ENTPD1: variants seen among roughly 807,000 people sequenced by gnomAD.
ENTPD1 encodes ectonucleoside triphosphate diphosphohydrolase 1.
In ENTPD1, 33 loss-of-function variants were observed where a neutral mutation model predicts 57.0. The observed-to-expected ratio is 0.58, with a 90% CI of 0.44 to 0.77. ENTPD1 has a LOEUF of 0.77. ENTPD1 is among the 30% of genes least tolerant of loss of function. The probability of loss-of-function intolerance (pLI) is 0.00; values close to 1 mark genes in which losing one functional copy is unlikely to be tolerated. For missense variants in ENTPD1, 501 were observed against 603.4 expected, an observed-to-expected ratio of 0.83 and a Z score of 1.78; for synonymous variants, 202 against 218.8, an observed-to-expected ratio of 0.92 and a Z score of 0.68.
Position 95,874,841 on chromosome 10 carries a change from C to T in ENTPD1, c.*8458C>T, listed in dbSNP as rs2098484186. Reference sequence around the variant, plus strand: ...CAGGCTCAACATCACATGGAAGCTGCCAATGCTTGGGGCCTCTACCCTCTG... The same window carrying T: ...CAGGCTCAACATCACATGGAAGCTGTCAATGCTTGGGGCCTCTACCCTCTG... On this transcript the variant is annotated 3_prime_UTR_variant, in exon 10 of 10. Coordinates refer to ENST00000371205, the MANE Select transcript of ENTPD1 (RefSeq NM_001776.6). Among the ~76,000 whole-genome samples, 1 of 152,256 alleles carries T rather than the reference C, an allele frequency of 6.6e-6. No homozygotes were observed. The highest frequency in any genetic ancestry group is 1.5e-5 in the Non-Finnish European group (1 of 68,048).
chr10:95,741,956 AT>A (rs2098000788), intron 1 of ENTPD1, among the ~76,000 whole-genome samples: 1 of 152,138 alleles, frequency 6.6e-6, no homozygotes, highest in Non-Finnish European at 1.5e-5. Flanking sequence ...TACCTCAAAG[AT>A]TTGTCACCCC....
intron 6 of ENTPD1, chr10:95,846,007 GAA>G: frequency 1.3e-4 from 21 of 155,600 alleles, no homozygotes; most frequent in South Asian, 6.4e-4. Flanking sequence ...AGAGGAGAAG[GAA>G]AAAAAAAAAA....
At chr10:95,784,322 C>T (rs1203549513) in intron 1 of ENTPD1, among the ~76,000 whole-genome samples, 1 of 152,094 alleles carries the variant, frequency 6.6e-6, no homozygotes, top group Non-Finnish European at 1.5e-5. Context: ...AGTATATAGA[C>T]ATTATGGGGC....
At chr10:95,785,954 G>A (rs1285675949) in intron 1 of ENTPD1, among the ~76,000 whole-genome samples, 2 of 152,206 alleles carry the variant, frequency 1.3e-5, no homozygotes, top group African/African-American at 4.8e-5. Flanking sequence ...GATGGCAAGC[G>A]TTTTTCTTGG....
chr10:95,847,723 A>G lies in ENTPD1; in HGVS notation c.1074+17A>G. ...GATTTTGGGGTAAGTTTGTGAAATG[A>G]TGAGGTATAGGATGTCTTGTTTACA... On this transcript the variant is annotated intron_variant, in intron 7 of 9. Transcript: ENST00000371205. The G allele has an allele frequency of 1.9e-6, 3 of 1,614,106 alleles. No individual in the cohort carries two copies. The highest frequency in any genetic ancestry group is 2.5e-6 in the Non-Finnish European group (3 of 1,179,998).
Position 95,858,050 on chromosome 10 carries a change from C to T in ENTPD1, c.1075-2419C>T, listed in dbSNP as rs986082042. On this transcript the variant is annotated intron_variant, in intron 7 of 9. Coordinates refer to ENST00000371205, the MANE Select transcript of ENTPD1 (RefSeq NM_001776.6). ...GCAGGCGCCTGTAATCCCAGCTACTCGGGAGGCTGAGGCAGGAGAATGGCG... is the reference window on the plus strand; with the variant it reads ...GCAGGCGCCTGTAATCCCAGCTACTTGGGAGGCTGAGGCAGGAGAATGGCG... Among the ~76,000 whole-genome samples, 12 of 151,574 alleles carry T rather than the reference C, an allele frequency of 7.9e-5. No homozygotes were observed. The South Asian group carries it at 2.5e-3, about 32-fold the overall frequency.
intron 1 of ENTPD1, among the ~76,000 whole-genome samples, chr10:95,763,928 T>G (rs1288667547): frequency 6.6e-6 from 1 of 152,220 alleles, no homozygotes; most frequent in East Asian, 1.9e-4. Flanking sequence ...ACTCAATTGT[T>G]AAAGTCTCTC....
chr10:95,710,445 T>C (rs2097964616), upstream of ENTPD1, among the ~76,000 whole-genome samples: 2 of 152,138 alleles, frequency 1.3e-5, no homozygotes, highest in African/African-American at 4.8e-5. Flanking sequence ...AAAATAACTA[T>C]GTAATTTATC....
Position 95,873,418 on chromosome 10 carries a change from C to T in ENTPD1, c.*7035C>T, listed in dbSNP as rs1275744375. The T allele has an allele frequency of 1.0e-6, 1 of 985,598 alleles. No individual in the cohort carries two copies. Among genetic ancestry groups the T allele is most frequent in the Non-Finnish European group, 1.2e-6 (1 of 830,046 alleles). The allele number at this position is 985,598 out of a possible 1,614,324, so 61.1% of individuals were successfully genotyped here. ...CCTCTGCCTTTGGAGACCAGCACCT[C>T]ATACTCAGTGAAGGCCTGGAGTGCT... On this transcript the variant is annotated 3_prime_UTR_variant, in exon 10 of 10. Coordinates refer to ENST00000371205, the MANE Select transcript of ENTPD1 (RefSeq NM_001776.6).
At chr10:95,756,857 G>C (rs1009610750) in intron 1 of ENTPD1, 1 of 152,740 alleles carries the variant, frequency 6.5e-6, no homozygotes, top group Non-Finnish European at 1.5e-5. Context: ...GACGGGGACG[G>C]GTAGAGGGAG....
intron 1 of ENTPD1, among the ~76,000 whole-genome samples, chr10:95,777,436 C>G (rs1251736191): frequency 6.6e-6 from 1 of 152,150 alleles, no homozygotes; most frequent in Non-Finnish European, 1.5e-5. Context: ...CACTCCAGAC[C>G]CTGTTTTTCT....
chr10:95,742,250 T>C (rs181050613), intron 1 of ENTPD1, among the ~76,000 whole-genome samples: 1 of 152,282 alleles, frequency 6.6e-6, no homozygotes, highest in East Asian at 1.9e-4. Flanking sequence ...GGTTGGTTAG[T>C]GTAGTAAATT....
chr10:95,854,855 A>G (rs1217962885), intron 7 of ENTPD1, among the ~76,000 whole-genome samples: 2 of 152,250 alleles, frequency 1.3e-5, no homozygotes, highest in African/African-American at 2.4e-5. Context: ...ACTTCCAACT[A>G]TGTGGTCAAT....
intron 1 of ENTPD1, among the ~76,000 whole-genome samples, chr10:95,787,266 T>C (rs1275315850): frequency 6.6e-6 from 1 of 152,214 alleles, no homozygotes; most frequent in Non-Finnish European, 1.5e-5. Context: ...TTCCAAGCTT[T>C]ATTTTGATCA....
At chr10:95,865,115 TACAAA>T (rs779241987) in intron 9 of ENTPD1, among the ~76,000 whole-genome samples, 2 of 152,178 alleles carry the variant, frequency 1.3e-5, no homozygotes, top group Non-Finnish European at 2.9e-5. Flanking sequence ...ACTAATTCCT[TACAAA>T]ACAAAACACA....
chr10:95,729,028 A>G (rs1395342225), intron 1 of ENTPD1, among the ~76,000 whole-genome samples: 5 of 152,056 alleles, frequency 3.3e-5, no homozygotes, highest in Admixed American at 6.6e-5. Context: ...AGTATTTTCA[A>G]TATTTCTAGG....
rs569396933 is a variant in ENTPD1, at chr10:95,717,930, G to A, written c.37+5937G>A. ...TTGAAGAACGATTTGTAATTTTACAGCTTCGATTCTGGAAGAGGCAAACTT... is the reference window on the plus strand; with the variant it reads ...TTGAAGAACGATTTGTAATTTTACAACTTCGATTCTGGAAGAGGCAAACTT... On this transcript the variant is annotated intron_variant, in intron 1 of 9. Coordinates refer to the ENTPD1 transcript ENST00000453258. Among the ~76,000 whole-genome samples the A allele has an allele frequency of 5.3e-5, 8 of 152,322 alleles. No homozygotes were observed. In the South Asian group the frequency reaches 8.3e-4, roughly 16 times the overall value.
intron 2 of ENTPD1, among the ~76,000 whole-genome samples, chr10:95,832,744 T>G (rs1036803302): frequency 6.6e-6 from 1 of 152,208 alleles, no homozygotes; most frequent in African/African-American, 2.4e-5. Flanking sequence ...GCCGAGACTT[T>G]GGGCAAGAAA....
At chr10:95,797,318 G>A (rs1018891320) in intron 1 of ENTPD1, among the ~76,000 whole-genome samples, 1 of 152,034 alleles carries the variant, frequency 6.6e-6, no homozygotes, top group African/African-American at 2.4e-5. Context: ...TAGGTGACTA[G>A]CATTATAAAT....
Sources: gnomAD v4.1 joint callset for allele counts (sites outside exome capture counted in the v4.1 genomes callset) on GRCh38, gnomAD v4.1.1 for gene constraint, MANE v1.5 for transcripts, NCBI Gene and HGNC (gene_info 2026-07-23, HGNC 2026-07-21) for gene names.